The following FRMD3 variants were observed in gnomAD, a reference collection of about 807,000 sequenced individuals.
FRMD3 encodes the protein FERM domain containing 3.
A neutral mutation model predicts 70.2 loss-of-function variants in FRMD3; 33 were observed. The ratio of observed to expected loss-of-function variants is 0.47; its 90% CI spans 0.36 to 0.63. The LOEUF is 0.63. Ranked by LOEUF, FRMD3 falls within the 20% of genes least tolerant of loss-of-function variation. The pLI, the probability that FRMD3 is intolerant of heterozygous loss-of-function variation, is 0.00. For synonymous variants in FRMD3, 279 were observed against 255.9 expected (o/e 1.09, Z -0.86); for missense variants, 632 against 711.4 (o/e 0.89, Z 1.27).
In FRMD3 at chr9:83,246,058, G is replaced by A. The variant is rs536757007; in HGVS notation, c.*1860C>T. 11 of 985,306 alleles carry A rather than the reference G, an allele frequency of 1.1e-5. No individual in the cohort carries two copies. Among genetic ancestry groups the A allele is most frequent in the East Asian group, 1.1e-4 (1 of 8,806 alleles). 61.0% of individuals were successfully genotyped at this position (985,306 alleles called of 1,614,324 possible). A position where few individuals can be genotyped will look rare whatever the true frequency, so the allele number is the denominator to read the frequency against. ...TCATTTGCTCGACTGCAGGCTTCACGAACTGAGTTTCAAAACTCATTTCCA... is the reference window on the plus strand; with the variant it reads ...TCATTTGCTCGACTGCAGGCTTCACAAACTGAGTTTCAAAACTCATTTCCA... On this transcript the variant is annotated 3_prime_UTR_variant, in exon 14 of 14. Coordinates refer to ENST00000304195, the MANE Select transcript of FRMD3 (RefSeq NM_174938.6).
At chr9:83,438,458 C>T (rs556936442) in intron 1 of FRMD3, among the ~76,000 whole-genome samples, 26 of 151,654 alleles carry the variant, frequency 1.7e-4, no homozygotes, top group Non-Finnish European at 3.1e-4. Context: ...CTTACTCTCT[C>T]GCCCAGGCTG....
chr9:83,409,632 T>G (rs764655707), intron 1 of FRMD3, among the ~76,000 whole-genome samples: 7 of 152,232 alleles, frequency 4.6e-5, no homozygotes, highest in Non-Finnish European at 1.0e-4. Flanking sequence ...TTAGCACATA[T>G]TATGTGCCAG....
the FRMD3 span, among the ~76,000 whole-genome samples, chr9:83,549,977 A>G: frequency 1.8e-3 from 273 of 151,956 alleles, 3 homozygotes; most frequent in Non-Finnish European, 1.5e-3. Context: ...GTCAATTTTT[A>G]CTTTTGTTGC....
At chr9:83,461,663 CCCTTTTTTT>C (rs1827974679) in intron 1 of FRMD3, among the ~76,000 whole-genome samples, 2 of 126,068 alleles carry the variant, frequency 1.6e-5, no homozygotes, top group African/African-American at 5.9e-5. Flanking sequence ...TCAGGAATTT[CCCTTTTTTT>C]TTTTTTTTTT....
chr9:83,423,151 C>G (rs1408950798), intron 1 of FRMD3, among the ~76,000 whole-genome samples: 2 of 152,222 alleles, frequency 1.3e-5, no homozygotes, highest in African/African-American at 4.8e-5. Context: ...GTACTCTGAT[C>G]TTCAGAAAGT....
chr9:83,278,187 T>G (rs969682468), intron 13 of FRMD3, among the ~76,000 whole-genome samples: 2 of 152,094 alleles, frequency 1.3e-5, no homozygotes, highest in Non-Finnish European at 2.9e-5. Context: ...GGGAAACAGC[T>G]CTTGCAAAGG....
chr9:83,524,712 A>G (rs1041291300), intron 1 of FRMD3, among the ~76,000 whole-genome samples: 1 of 152,196 alleles, frequency 6.6e-6, no homozygotes, highest in African/African-American at 2.4e-5. Context: ...ATCCTATAAC[A>G]TCTCTGTTTA....
At chr9:83,538,455 G>T, upstream of FRMD3, 1 of 365,404 alleles carries the variant, frequency 2.7e-6, no homozygotes, top group Non-Finnish European at 4.9e-6. The surrounding 1 kb of genome is among the most constrained non-coding windows in gnomAD (Gnocchi z 4.7). Context: ...TCCTTTCCCC[G>T]CCTCCTTCTG....
At chr9:83,446,419 G>A (rs545457771) in intron 1 of FRMD3, among the ~76,000 whole-genome samples, 203 of 151,802 alleles carry the variant, frequency 1.3e-3, no homozygotes, top group African/African-American at 4.5e-3. Flanking sequence ...AGGCCGAGGC[G>A]GGCGGATCAC....
At chr9:83,352,736 C>T (rs1017956548) in intron 3 of FRMD3, among the ~76,000 whole-genome samples, 1 of 152,210 alleles carries the variant, frequency 6.6e-6, no homozygotes, top group Non-Finnish European at 1.5e-5. Context: ...TTCTTGTCTG[C>T]TCTATGCTTC....
At chr9:83,356,621 T>A (rs1376332454) in intron 3 of FRMD3, among the ~76,000 whole-genome samples, 1 of 151,722 alleles carries the variant, frequency 6.6e-6, no homozygotes, top group Non-Finnish European at 1.5e-5. Flanking sequence ...CCTCCAGTCA[T>A]CATAAAGAAT....
the FRMD3 span, among the ~76,000 whole-genome samples, chr9:83,562,845 T>G: frequency 1.3e-5 from 2 of 152,188 alleles, no homozygotes; most frequent in Admixed American, 6.5e-5. Flanking sequence ...AGCTCTGGAT[T>G]CTAAGTTCCT....
At chr9:83,516,505 TC>T (rs1829458521) in intron 1 of FRMD3, among the ~76,000 whole-genome samples, 1 of 152,036 alleles carries the variant, frequency 6.6e-6, no homozygotes, top group African/African-American at 2.4e-5. Context: ...AGACTTAGAC[TC>T]CCACACAATA....
rs551107267 is a variant in FRMD3 at position 83,245,248 on chromosome 9, C to G, written c.*2670G>C. 2.7e-4 allele frequency: 267 copies of G among 985,132 alleles called. No individual in the cohort carries two copies. The African/African-American group carries it at 4.4e-3, about 16-fold the overall frequency. 61.0% of individuals were successfully genotyped at this position (985,132 alleles called of 1,614,324 possible). The stretch of plus-strand genomic sequence containing the variant: ...TATGGAATATACATATACTCACACA[C>G]TTGCTTTAAACTCTATATCTCACTC... On this transcript the variant is annotated 3_prime_UTR_variant, in exon 14 of 14. Transcript: ENST00000304195.
intron 1 of FRMD3, among the ~76,000 whole-genome samples, chr9:83,467,431 T>C (rs1025123092): frequency 6.6e-6 from 1 of 152,176 alleles, no homozygotes; most frequent in Non-Finnish European, 1.5e-5. Context: ...GGCCATTAAG[T>C]GGAACTAAAA....
chr9:83,438,058 G>A (rs1827187369), intron 1 of FRMD3, among the ~76,000 whole-genome samples: 2 of 152,118 alleles, frequency 1.3e-5, no homozygotes, highest in Admixed American at 6.5e-5. Flanking sequence ...TCCCAGGGAG[G>A]CTGGAAGTGC....
At chr9:83,360,369 C>T (rs1051926879) in intron 3 of FRMD3, among the ~76,000 whole-genome samples, 4 of 152,170 alleles carry the variant, frequency 2.6e-5, no homozygotes, top group African/African-American at 9.7e-5. Context: ...ATTATAAAGG[C>T]TCTCCCACCA....
At chr9:83,545,696 T>C in the FRMD3 span, among the ~76,000 whole-genome samples, 1 of 152,094 alleles carries the variant, frequency 6.6e-6, no homozygotes, top group Non-Finnish European at 1.5e-5. Context: ...CTTTGAGAAA[T>C]ATGGTATTAT....
Position 83,311,881 on chromosome 9 carries a change from A to C in FRMD3, c.773+6T>G. 6.3e-7 allele frequency: 1 copy of C among 1,591,380 alleles called. No homozygotes were observed. The highest frequency in any genetic ancestry group is 8.6e-7 in the Non-Finnish European group (1 of 1,161,960). On this transcript the variant is annotated splice_donor_region_variant and intron_variant, in intron 8 of 13. Transcript: ENST00000304195. ...TGGAAAGCCAGTTTTCCAAAGAGGC[A>C]CTTACCATTTTATCAAATGGATTCT...
Sources: allele counts gnomAD v4.1 joint callset (sites outside exome capture counted in the v4.1 genomes callset), GRCh38; gene constraint gnomAD v4.1.1; non-coding constraint Gnocchi (gnomAD v3.1); transcripts MANE v1.5; gene names NCBI Gene and HGNC (gene_info 2026-07-23, HGNC 2026-07-21).